Variants in EPB41L4A observed in about 807,000 individuals in gnomAD.
EPB41L4A encodes the protein band 4.1-like protein 4A.
In EPB41L4A, 100 loss-of-function variants were observed where a neutral mutation model predicts 108.6. The observed-to-expected ratio is 0.92, with a 90% CI of 0.78 to 1.09. The LOEUF (loss-of-function observed/expected upper bound fraction) is 1.09. EPB41L4A is among the 50% of genes least tolerant of loss of function. The pLI is 0.00. For synonymous variants in EPB41L4A, 319 were observed against 289.0 expected (o/e 1.10, Z -1.05); for missense variants, 1,030 against 842.7 (o/e 1.22, Z -2.75).
At chr5:112,383,396 A>G (rs1233547259) in intron 1 of EPB41L4A, among the ~76,000 whole-genome samples, 1 of 152,262 alleles carries the variant, frequency 6.6e-6, no homozygotes, top group Non-Finnish European at 1.5e-5. Context: ...TTAAAAAGAT[A>G]TAAGATTTCA....
intron 1 of EPB41L4A, among the ~76,000 whole-genome samples, chr5:112,308,775 A>G (rs944885818): frequency 1.3e-5 from 2 of 152,236 alleles, no homozygotes; most frequent in African/African-American, 2.4e-5. Context: ...ATGTATACTC[A>G]TAATTACAGT....
chr5:112,358,899 A>C (rs554351888), intron 1 of EPB41L4A, among the ~76,000 whole-genome samples: 1 of 152,226 alleles, frequency 6.6e-6, no homozygotes, highest in African/African-American at 2.4e-5. Context: ...AACATAAAAG[A>C]ATCACAAACT....
chr5:112,341,322 T>C (rs934728796), intron 1 of EPB41L4A, among the ~76,000 whole-genome samples: 18 of 152,320 alleles, frequency 1.2e-4, no homozygotes, highest in African/African-American at 3.4e-4. Context: ...CTAAAACTGA[T>C]ACAAATGTTT....
chr5:112,146,874 G>A (rs1264099322), intron 12 of EPB41L4A, among the ~76,000 whole-genome samples: 2 of 152,200 alleles, frequency 1.3e-5, no homozygotes, highest in Non-Finnish European at 2.9e-5. Flanking sequence ...TGCATAAGAT[G>A]TAACCTTAAC....
chr5:112,310,588 C>T (rs1754985120), intron 1 of EPB41L4A, among the ~76,000 whole-genome samples: 1 of 152,066 alleles, frequency 6.6e-6, no homozygotes, highest in Non-Finnish European at 1.5e-5. Context: ...TCTGTTTTGG[C>T]CTTTAATCAA....
intron 1 of EPB41L4A, among the ~76,000 whole-genome samples, chr5:112,393,366 A>T (rs1350289662): frequency 6.6e-6 from 1 of 152,190 alleles, no homozygotes; most frequent in Non-Finnish European, 1.5e-5. Context: ...AGAAGAAAAG[A>T]GAGAAGAATC....
chr5:112,280,125 C>T, intron 3 of EPB41L4A, 147 bp downstream of exon 3: 1 of 725,834 alleles, frequency 1.4e-6, no homozygotes, highest in South Asian at 1.6e-5. Flanking sequence ...GCAATGCACA[C>T]AATACACACA....
chr5:112,241,602 T>C (rs1225116388), intron 9 of EPB41L4A, among the ~76,000 whole-genome samples: 5 of 152,210 alleles, frequency 3.3e-5, no homozygotes, highest in Non-Finnish European at 5.9e-5. Context: ...ACTATTTACA[T>C]AGCACTTAGA....
intron 4 of EPB41L4A, among the ~76,000 whole-genome samples, chr5:112,269,680 A>G (rs553762079): frequency 1.5e-4 from 23 of 152,322 alleles, no homozygotes; most frequent in Non-Finnish European, 2.8e-4. Context: ...ATCATTCTCT[A>G]AAGTGTCAGG....
intron 2 of EPB41L4A, among the ~76,000 whole-genome samples, chr5:112,297,900 T>A (rs1392351163): frequency 6.6e-6 from 1 of 151,878 alleles, no homozygotes; most frequent in Non-Finnish European, 1.5e-5. Context: ...TTTCCCCACT[T>A]TGTTTTTGTT....
rs138847107 is a variant in EPB41L4A at position 112,195,262 on chromosome 5, C to T, written c.1424+399G>A. On this transcript the variant is annotated intron_variant, in intron 16 of 22. Transcript: ENST00000261486. Reference sequence around the variant, plus strand: ...CAGCCTTTCTGCCAAGATGCCAACACGAAAGAGAAAGGCCCCCTGGATAAC... The same window carrying T: ...CAGCCTTTCTGCCAAGATGCCAACATGAAAGAGAAAGGCCCCCTGGATAAC... Among the ~76,000 whole-genome samples the T allele has an allele frequency of 5.2e-3, 789 of 152,118 alleles. 10 individuals carry two copies. Among genetic ancestry groups the T allele is most frequent in the Non-Finnish European group, 5.5e-3 (373 of 68,010 alleles).
chr5:112,155,852 T>G (rs1348133205), intron 12 of EPB41L4A, among the ~76,000 whole-genome samples: 1 of 152,136 alleles, frequency 6.6e-6, no homozygotes, highest in East Asian at 1.9e-4. Context: ...ATTTTGCCAT[T>G]TAAAATAAAG....
intron 2 of EPB41L4A, among the ~76,000 whole-genome samples, chr5:112,294,592 G>C (rs1753872817): frequency 1.3e-5 from 2 of 152,128 alleles, no homozygotes; most frequent in Admixed American, 1.3e-4. Flanking sequence ...ACCACACTCT[G>C]TGGATGGTAA....
At chr5:112,206,157 A>C (rs1216784372) in intron 13 of EPB41L4A, 1 of 152,228 alleles carries the variant, frequency 6.6e-6, no homozygotes, top group Non-Finnish European at 1.5e-5. Context: ...ACTAATCAGA[A>C]GCCTCCAGGC....
chr5:112,364,136 T>A (rs1758967023), intron 1 of EPB41L4A, among the ~76,000 whole-genome samples: 1 of 152,132 alleles, frequency 6.6e-6, no homozygotes, highest in Admixed American at 6.5e-5. Flanking sequence ...AAGCAATTCT[T>A]CAGCCTCAGC....
At chr5:112,253,760 A>G (rs779379727) in intron 9 of EPB41L4A, among the ~76,000 whole-genome samples, 1 of 152,236 alleles carries the variant, frequency 6.6e-6, no homozygotes, top group Non-Finnish European at 1.5e-5. Flanking sequence ...TGTTAACCAT[A>G]AGTGACTCTA....
chr5:112,335,089 T>C (rs1049700727), intron 1 of EPB41L4A, among the ~76,000 whole-genome samples: 2 of 152,162 alleles, frequency 1.3e-5, no homozygotes, highest in Non-Finnish European at 2.9e-5. Context: ...CAAAGCCTCC[T>C]GGCTTTGCAC....
intron 9 of EPB41L4A, among the ~76,000 whole-genome samples, chr5:112,246,844 C>A (rs185268546): frequency 2.0e-5 from 3 of 152,112 alleles, no homozygotes; most frequent in Admixed American, 6.5e-5. Flanking sequence ...TTCCCTACCC[C>A]CCTCTTACAT....
At chr5:112,311,663 G>A (rs940988476) in intron 1 of EPB41L4A, among the ~76,000 whole-genome samples, 6 of 152,084 alleles carry the variant, frequency 3.9e-5, no homozygotes, top group South Asian at 2.1e-4. Flanking sequence ...AGACCAGATC[G>A]CACTGCTGCA....
Sources: allele counts gnomAD v4.1 joint callset (sites outside exome capture counted in the v4.1 genomes callset), GRCh38; gene constraint gnomAD v4.1.1; transcripts MANE v1.5; gene names NCBI Gene and HGNC (gene_info 2026-07-23, HGNC 2026-07-21).